The following ZNF407 variants were observed in gnomAD, a reference collection of about 807,000 sequenced individuals.
ZNF407 encodes the protein zinc finger protein 407.
A neutral mutation model predicts 131.2 loss-of-function variants in ZNF407; 17 were observed. The ratio of observed to expected loss-of-function variants is 0.13; its 90% CI spans 0.09 to 0.19. ZNF407 has a LOEUF of 0.19. Among genes scored for constraint, ZNF407 ranks in the 10% least tolerant of loss-of-function variants. The pLI is 1.00. For synonymous variants in ZNF407, 1,156 were observed against 1,062.0 expected (o/e 1.09, Z -1.72); for missense variants, 2,681 against 2,830.6 (o/e 0.95, Z 1.20).
At chr18:74,652,104 A>G (rs1985253664) in intron 3 of ZNF407, among the ~76,000 whole-genome samples, 1 of 152,138 alleles carries the variant, frequency 6.6e-6, no homozygotes, top group African/African-American at 2.4e-5. Context: ...ATTCAAGTAC[A>G]GTATAGTCCC....
intron 8 of ZNF407, among the ~76,000 whole-genome samples, chr18:75,024,456 G>C (rs1471936492): frequency 6.6e-6 from 1 of 152,174 alleles, no homozygotes; most frequent in Non-Finnish European, 1.5e-5. Flanking sequence ...GAAATTCCAA[G>C]ATAGGCTTTG....
At chr18:74,977,146 G>A (rs890077744) in intron 8 of ZNF407, among the ~76,000 whole-genome samples, 2 of 152,250 alleles carry the variant, frequency 1.3e-5, no homozygotes, top group Non-Finnish European at 2.9e-5. Flanking sequence ...TGGCTTTGCT[G>A]ATGGTCTGGA....
chr18:74,827,679 A>T (rs933769400), intron 4 of ZNF407, among the ~76,000 whole-genome samples: 1 of 152,134 alleles, frequency 6.6e-6, no homozygotes, highest in South Asian at 2.1e-4. Context: ...AGATAATGGC[A>T]TTTAGAAACC....
chr18:75,015,195 T>C (rs1293716301), intron 8 of ZNF407, among the ~76,000 whole-genome samples: 1 of 152,040 alleles, frequency 6.6e-6, no homozygotes, highest in African/African-American at 2.4e-5. Flanking sequence ...AGTAGAAATA[T>C]AAGGCAATAA....
rs147751368 is a variant in ZNF407, at chr18:74,989,850, A to C, written c.5428+69158A>C. Among the ~76,000 whole-genome samples the C allele has an allele frequency of 1.7e-3, 257 of 152,210 alleles. 1 individual carries two copies. The highest frequency in any genetic ancestry group is 5.9e-3 in the African/African-American group (247 of 41,526). On this transcript the variant is annotated intron_variant, in intron 8 of 8. Coordinates refer to ENST00000299687, the MANE Select transcript of ZNF407 (RefSeq NM_017757.3). ...AGAGCGAAACTCTGTCTCAAAAAAAAAAAAAAAATTCTATTTCCTAATCAT... is the reference window on the plus strand; with the variant it reads ...AGAGCGAAACTCTGTCTCAAAAAAACAAAAAAAATTCTATTTCCTAATCAT...
Position 74,767,161 on chromosome 18 carries a change from G to A in ZNF407, c.4803-14267G>A, listed in dbSNP as rs141967801. Among the ~76,000 whole-genome samples, 435 of 152,196 alleles carry A rather than the reference G, an allele frequency of 2.9e-3. 3 individuals are homozygous for A. Among genetic ancestry groups the A allele is most frequent in the African/African-American group, 9.8e-3 (405 of 41,534 alleles). ...TCCTGACCTCAGGTGATCCACCTGC[G>A]TCGGCCTCCCAAAGTGCTGGGACTA... On this transcript the variant is annotated intron_variant, in intron 3 of 8. Transcript: ENST00000299687.
intron 3 of ZNF407, among the ~76,000 whole-genome samples, chr18:74,734,671 TTGTGTGTGTGTGTGTGTGTG>T (rs200073035): frequency 7.2e-6 from 1 of 138,974 alleles, no homozygotes; most frequent in Non-Finnish European, 1.6e-5. Context: ...GAGTTTCAAT[TTGTGTGTGTGTGTGTGTGTG>T]TGTGTGTGTG....
intron 3 of ZNF407, among the ~76,000 whole-genome samples, chr18:74,730,839 A>G (rs1350721621): frequency 6.6e-6 from 1 of 152,228 alleles, no homozygotes; most frequent in African/African-American, 2.4e-5. Context: ...TTAAATGAGC[A>G]TTTTGTTCAG....
intron 1 of ZNF407, among the ~76,000 whole-genome samples, chr18:74,622,744 G>A (rs1983573741): frequency 6.6e-6 from 1 of 152,070 alleles, no homozygotes. Flanking sequence ...GTCTGTGAGT[G>A]TGTGTGTGAA....
At chr18:74,874,219 T>C (rs778777667) in intron 4 of ZNF407, among the ~76,000 whole-genome samples, 7 of 152,186 alleles carry the variant, frequency 4.6e-5, no homozygotes, top group Non-Finnish European at 8.8e-5. Context: ...ACCATCATAT[T>C]ATGCGTGCTT....
At chr18:74,985,271 G>A (rs1195545304) in intron 8 of ZNF407, among the ~76,000 whole-genome samples, 3 of 152,094 alleles carry the variant, frequency 2.0e-5, no homozygotes, top group East Asian at 3.9e-4. Flanking sequence ...ATATGTTCCT[G>A]TGTAGGAAGA....
chr18:74,815,997 C>T (rs1409352628), intron 4 of ZNF407, among the ~76,000 whole-genome samples: 4 of 152,052 alleles, frequency 2.6e-5, no homozygotes, highest in Non-Finnish European at 4.4e-5. Context: ...GTATGGACTG[C>T]GTTTACTTCT....
intron 1 of ZNF407, among the ~76,000 whole-genome samples, chr18:74,613,092 T>C (rs1983135566): frequency 6.6e-6 from 1 of 152,218 alleles, no homozygotes; most frequent in South Asian, 2.1e-4. Flanking sequence ...ATATTGAGTC[T>C]AAGTGACTTC....
intron 8 of ZNF407, among the ~76,000 whole-genome samples, chr18:74,952,930 G>A (rs146240347): frequency 3.3e-4 from 51 of 152,306 alleles, no homozygotes; most frequent in African/African-American, 1.1e-3. Context: ...TGGCAGAGCC[G>A]TTGGTGATGG....
At chr18:74,784,747 A>G (rs1389235229) in intron 4 of ZNF407, among the ~76,000 whole-genome samples, 1 of 152,272 alleles carries the variant, frequency 6.6e-6, no homozygotes, top group Non-Finnish European at 1.5e-5. Flanking sequence ...TCTTTGTGGT[A>G]TAAGTAAGCC....
At chr18:74,966,021 T>C (rs920492056) in intron 8 of ZNF407, among the ~76,000 whole-genome samples, 1 of 152,230 alleles carries the variant, frequency 6.6e-6, no homozygotes, top group African/African-American at 2.4e-5. Context: ...TAGATTTTTT[T>C]CCTTAAGAGT....
intron 8 of ZNF407, among the ~76,000 whole-genome samples, chr18:75,000,196 G>A (rs1394932415): frequency 6.6e-6 from 1 of 152,180 alleles, no homozygotes; most frequent in African/African-American, 2.4e-5. Context: ...GGGGACGTGA[G>A]TTGGAGAGCG....
At position 74,634,484 on chromosome 18, in the gene ZNF407, A is replaced by G; in HGVS notation, c.3465A>G (p.Glu1155=). Residue 1155 remains glutamate (E), a synonymous_variant, in exon 2 of 9, where the codon GAA becomes GAG. Transcript: ENST00000299687. ...CTGTAGAAGTTGAGACTGAAGAAGAATCTAATTTCAATGAAGACCATTCCT... is the reference window on the plus strand; with the variant it reads ...CTGTAGAAGTTGAGACTGAAGAAGAGTCTAATTTCAATGAAGACCATTCCT... The part of the protein sequence containing the change: ...ADSVEVETEE[E]SNFNEDHSFC... 9 of 1,613,834 alleles carry G rather than the reference A, an allele frequency of 5.6e-6. No individual in the cohort carries two copies. Among genetic ancestry groups the G allele is most frequent in the Non-Finnish European group, 7.6e-6 (9 of 1,179,894 alleles).
intron 8 of ZNF407, among the ~76,000 whole-genome samples, chr18:74,923,129 G>T (rs1205256037): frequency 2.0e-5 from 3 of 151,788 alleles, no homozygotes; most frequent in Non-Finnish European, 2.9e-5. Flanking sequence ...AACGATTTTT[G>T]TATCTTTTTC....
Sources: gnomAD v4.1 joint callset for allele counts (sites outside exome capture counted in the v4.1 genomes callset) on GRCh38, gnomAD v4.1.1 for gene constraint, MANE v1.5 for transcripts, NCBI Gene and HGNC (gene_info 2026-07-23, HGNC 2026-07-21) for gene names.